The following UBE3B variants were observed in gnomAD, a reference collection of about 807,000 sequenced individuals.
UBE3B encodes the protein ubiquitin-protein ligase E3B.
UBE3B carries 80 observed loss-of-function variants against 132.3 expected under a neutral mutation model. That is an observed-to-expected ratio of 0.60 (90% CI 0.50 to 0.73). The LOEUF (loss-of-function observed/expected upper bound fraction) is 0.73. Ranked by LOEUF, UBE3B falls within the 30% of genes least tolerant of loss-of-function variation. The pLI, the probability that UBE3B is intolerant of heterozygous loss-of-function variation, is 0.00. For synonymous variants in UBE3B, 487 were observed against 520.4 expected, an observed-to-expected ratio of 0.94 and a Z score of 0.87; for missense variants, 1,196 against 1,362.5, an observed-to-expected ratio of 0.88 and a Z score of 1.92.
Position 109,524,506 on chromosome 12 carries a change from A to G in UBE3B, c.2568+3A>G. The G allele has an allele frequency of 6.2e-7, 1 of 1,613,816 alleles. No individual in the cohort carries two copies. Among genetic ancestry groups the G allele is most frequent in the Non-Finnish European group, 8.5e-7 (1 of 1,179,738 alleles). On this transcript the variant is annotated splice_donor_region_variant and intron_variant, in intron 23 of 27. Coordinates refer to ENST00000342494, the MANE Select transcript of UBE3B (RefSeq NM_130466.4). The stretch of plus-strand genomic sequence containing the variant: ...ACGACGAGGACGTCATGGGTCAGGT[A>G]GGTCCGCCCTTTGGCTGAGCTCCCT...
the UBE3B span, among the ~76,000 whole-genome samples, chr12:109,545,536 G>T: frequency 3.3e-5 from 5 of 152,226 alleles, no homozygotes; most frequent in Admixed American, 2.6e-4. Flanking sequence ...TCAGGAGCTG[G>T]TCATTCCCAT....
In UBE3B at chr12:109,521,477, A is replaced by C; in HGVS notation, c.2290A>C (p.Thr764Pro). ...SGDERLYPSP[T>P]SYIHENYLQL... ...GGATGAGAGGCTGTACCCCTCACCC[A>C]CATCCTACATCCATGAGAATTACCT... is the stretch of plus-strand genomic sequence containing the variant. The change falls in exon 21 of 28, where the codon ACA (threonine) becomes CCA (proline). Residue 764 changes from threonine to proline, a missense_variant. Transcript: ENST00000342494. This position sits in a 1 kb window ranked among gnomAD's most constrained non-coding sequence, Gnocchi z 4.2. 6.3e-7 allele frequency: 1 copy of C among 1,598,434 alleles called. No individual in the cohort carries two copies. Among genetic ancestry groups the C allele is most frequent in the Non-Finnish European group, 8.6e-7 (1 of 1,169,430 alleles).
rs12425117 is a variant in UBE3B, at chr12:109,535,904, A to C, written c.*1122A>C. The C allele has an allele frequency of 6.6e-6, 1 of 152,094 alleles. No individual in the cohort carries two copies. Among genetic ancestry groups the C allele is most frequent in the South Asian group, 2.1e-4 (1 of 4,822 alleles). 9.4% of individuals were successfully genotyped at this position (152,094 alleles called of 1,614,324 possible). ...GTTGTAAGAACTTTAGCTCCAGGGA[A>C]CTGAGGCAGAGGCCCTGTTTGTGGT... On this transcript the variant is annotated 3_prime_UTR_variant, in exon 28 of 28. Coordinates refer to ENST00000342494, the MANE Select transcript of UBE3B (RefSeq NM_130466.4).
intron 27 of UBE3B, chr12:109,533,772 C>A: frequency 1.2e-6 from 1 of 849,608 alleles, no homozygotes. Context: ...CTCTCGGCAG[C>A]CCCTTTCTCT....
At chr12:109,524,352 C>A in intron 22 of UBE3B, 86 bp from the exon 23 acceptor site, 1 of 1,532,298 alleles carries the variant, frequency 6.5e-7, no homozygotes, top group Non-Finnish European at 9.0e-7. Context: ...TTCCCAGCAC[C>A]AAAGCAGCGC....
intron 12 of UBE3B, 90 bp downstream of exon 12, chr12:109,499,900 G>A (rs1456423753): frequency 3.2e-6 from 4 of 1,232,656 alleles, no homozygotes; most frequent in Non-Finnish European, 4.2e-6. Context: ...GTGGTGTTTT[G>A]TTTCTTATTA....
intron 4 of UBE3B, among the ~76,000 whole-genome samples, chr12:109,484,611 C>T (rs779790098): frequency 3.3e-5 from 5 of 151,982 alleles, no homozygotes; most frequent in Admixed American, 1.3e-4. Flanking sequence ...AGGATAGTCT[C>T]GATCTCTTAG....
intron 4 of UBE3B, among the ~76,000 whole-genome samples, chr12:109,484,771 A>G (rs1289420581): frequency 2.0e-5 from 3 of 147,732 alleles, no homozygotes; most frequent in East Asian, 4.1e-4. Context: ...ATTCTTTCAT[A>G]TTCTGAGACA....
At chr12:109,490,753 C>T (rs937405252) in intron 8 of UBE3B, 8 of 1,389,576 alleles carry the variant, frequency 5.8e-6, no homozygotes, top group Non-Finnish European at 7.5e-6. Context: ...GAGTTAACCT[C>T]GTTACCCAAT....
chr12:109,501,664 T>C, intron 13 of UBE3B, 130 bp downstream of exon 13: 1 of 1,164,634 alleles, frequency 8.6e-7, no homozygotes, highest in Non-Finnish European at 1.2e-6. Flanking sequence ...ATCGTTCTTG[T>C]TGTTAGAGAC....
chr12:109,503,768 T>G (rs1264870601), intron 14 of UBE3B, among the ~76,000 whole-genome samples: 1 of 152,174 alleles, frequency 6.6e-6, no homozygotes, highest in Non-Finnish European at 1.5e-5. Flanking sequence ...ATCACAGGCT[T>G]TTAGGTTGCA....
At chr12:109,482,241 G>A (rs1329939086) in intron 2 of UBE3B, among the ~76,000 whole-genome samples, 1 of 152,094 alleles carries the variant, frequency 6.6e-6, no homozygotes, top group Non-Finnish European at 1.5e-5. Context: ...CATATATTGT[G>A]TAATGGTGGA....
At chr12:109,495,487 G>A (rs1325840824) in intron 9 of UBE3B, among the ~76,000 whole-genome samples, 1 of 152,190 alleles carries the variant, frequency 6.6e-6, no homozygotes, top group Non-Finnish European at 1.5e-5. Context: ...CACCTGCTGA[G>A]ACCAGCTTGG....
intron 18 of UBE3B, among the ~76,000 whole-genome samples, chr12:109,516,167 C>CTTTTT (rs59084691): frequency 5.5e-5 from 5 of 91,136 alleles, no homozygotes; most frequent in African/African-American, 1.3e-4. Context: ...TCTTTTTTTT[C>CTTTTT]TTTTTTTTTT....
chr12:109,498,816 A>T (rs987355836), intron 11 of UBE3B, among the ~76,000 whole-genome samples: 1 of 151,976 alleles, frequency 6.6e-6, no homozygotes, highest in Non-Finnish European at 1.5e-5. Context: ...TTTAGATAGG[A>T]AAAGTTTTTT....
intron 26 of UBE3B, among the ~76,000 whole-genome samples, chr12:109,532,646 C>T (rs1883051336): frequency 6.6e-6 from 1 of 152,222 alleles, no homozygotes; most frequent in Non-Finnish European, 1.5e-5. Context: ...TCAGATGCCT[C>T]TCTCCAGGCA....
At chr12:109,489,399 G>T (rs991437678) in intron 7 of UBE3B, among the ~76,000 whole-genome samples, 5 of 152,172 alleles carry the variant, frequency 3.3e-5, no homozygotes, top group Admixed American at 2.6e-4. Flanking sequence ...GCTGAGAGCT[G>T]CAGAGGGAGC....
chr12:109,498,879 G>T (rs1878582474), intron 11 of UBE3B, among the ~76,000 whole-genome samples: 1 of 149,964 alleles, frequency 6.7e-6, no homozygotes, highest in African/African-American at 2.5e-5. Flanking sequence ...AGGCTGGACT[G>T]CAGTGGCACA....
chr12:109,482,457 C>T (rs1050696190), intron 2 of UBE3B, among the ~76,000 whole-genome samples: 8 of 152,202 alleles, frequency 5.3e-5, no homozygotes, highest in African/African-American at 1.9e-4. Flanking sequence ...AGTTATTTCA[C>T]TTAGGATAGA....
Sources: gnomAD v4.1 joint callset for allele counts (sites outside exome capture counted in the v4.1 genomes callset) on GRCh38, gnomAD v4.1.1 for gene constraint, Gnocchi (gnomAD v3.1) non-coding constraint, MANE v1.5 for transcripts, NCBI Gene and HGNC (gene_info 2026-07-23, HGNC 2026-07-21) for gene names.